Variants in PDE1C observed in about 807,000 individuals in gnomAD.
PDE1C encodes the protein phosphodiesterase 1C, also known as dual specificity calcium/calmodulin-dependent 3',5'-cyclic nucleotide phosphodiesterase 1C.
A neutral mutation model predicts 93.1 loss-of-function variants in PDE1C; 62 were observed. That is an observed-to-expected ratio of 0.67 (90% CI 0.54 to 0.82). PDE1C has a LOEUF of 0.82. PDE1C is among the 40% of genes least tolerant of loss of function. The pLI, the probability that PDE1C is intolerant of heterozygous loss-of-function variation, is 0.00. For missense variants in PDE1C, 742 were observed against 884.6 expected (o/e 0.84, Z 2.04); for synonymous variants, 325 against 310.1 (o/e 1.05, Z -0.50).
intron 1 of PDE1C, among the ~76,000 whole-genome samples, chr7:32,363,420 T>G (rs1393693510): frequency 2.0e-5 from 3 of 152,232 alleles, no homozygotes; most frequent in African/African-American, 7.2e-5. Flanking sequence ...TCTATTGCCT[T>G]CTACAAAGCC....
intron 2 of PDE1C, among the ~76,000 whole-genome samples, chr7:31,881,262 A>G (rs1167906574): frequency 6.6e-6 from 1 of 152,208 alleles, no homozygotes; most frequent in African/African-American, 2.4e-5. Context: ...GTGGCCCCAG[A>G]TAATGGCAGC....
At chr7:31,675,158 G>A in the PDE1C span, among the ~76,000 whole-genome samples, 1 of 152,190 alleles carries the variant, frequency 6.6e-6, no homozygotes, top group African/African-American at 2.4e-5. Context: ...GGGCTTCAGA[G>A]CTGTCAAGAT....
At chr7:32,100,862 G>GA (rs547397743) in intron 3 of PDE1C, among the ~76,000 whole-genome samples, 4 of 150,766 alleles carry the variant, frequency 2.7e-5, no homozygotes, top group South Asian at 2.1e-4. Context: ...TGTGCCAGAG[G>GA]AAAAAAAAAG....
At position 31,790,134 on chromosome 7, in the gene PDE1C, A is replaced by G. The variant is rs550281612; in HGVS notation, c.1892-14402T>C. On this transcript the variant is annotated intron_variant, in intron 16 of 17. Transcript: ENST00000396191. Reference sequence around the variant, plus strand: ...GGGGGCTTGTGTTTGAAAGTTGTACACCTTCTCCAGATATGGGTCTTTGTG... The same window carrying G: ...GGGGGCTTGTGTTTGAAAGTTGTACGCCTTCTCCAGATATGGGTCTTTGTG... 12 of 1,582,786 alleles carry G rather than the reference A, an allele frequency of 7.6e-6. No homozygotes were observed. In the East Asian group the frequency reaches 2.7e-4, roughly 36 times the overall value.
chr7:31,804,164 T>A (rs759508109), intron 16 of PDE1C, among the ~76,000 whole-genome samples: 6 of 151,896 alleles, frequency 4.0e-5, no homozygotes, highest in Non-Finnish European at 7.4e-5. Flanking sequence ...TGGGATGCAG[T>A]TAAATTACTT....
chr7:32,110,922 A>T (rs1317147445), intron 3 of PDE1C, among the ~76,000 whole-genome samples: 1 of 152,132 alleles, frequency 6.6e-6, no homozygotes, highest in Non-Finnish European at 1.5e-5. Flanking sequence ...CATTGAACAT[A>T]CTTTCACAAA....
chr7:32,384,087 T>C (rs1162933876), intron 1 of PDE1C, among the ~76,000 whole-genome samples: 1 of 152,216 alleles, frequency 6.6e-6, no homozygotes, highest in Non-Finnish European at 1.5e-5. Flanking sequence ...AGCCCTCTCA[T>C]TCACCAAATA....
intron 3 of PDE1C, among the ~76,000 whole-genome samples, chr7:32,085,712 T>A (rs1405058376): frequency 2.0e-5 from 3 of 150,944 alleles, no homozygotes; most frequent in Admixed American, 1.3e-4. Flanking sequence ...CACAAATCAA[T>A]AAATGTAATC....
At chr7:32,356,978 C>T (rs921417485) in intron 1 of PDE1C, among the ~76,000 whole-genome samples, 1 of 152,158 alleles carries the variant, frequency 6.6e-6, no homozygotes, top group African/African-American at 2.4e-5. Context: ...AAGATCTACA[C>T]ACACCACATC....
chr7:31,856,752 A>AGT (rs1298887344), intron 7 of PDE1C, among the ~76,000 whole-genome samples: 5 of 151,326 alleles, frequency 3.3e-5, no homozygotes, highest in Non-Finnish European at 5.9e-5. Context: ...TGGCCTCTGA[A>AGT]GTCAGAGCTG....
At chr7:31,955,494 CT>C (rs2129020560) in intron 2 of PDE1C, among the ~76,000 whole-genome samples, 1 of 152,242 alleles carries the variant, frequency 6.6e-6, no homozygotes, top group South Asian at 2.1e-4. Flanking sequence ...AAAGTTTAGT[CT>C]TCAGGAGGCA....
intron 3 of PDE1C, among the ~76,000 whole-genome samples, chr7:32,138,378 TTAA>T (rs1051260751): frequency 6.6e-6 from 1 of 152,218 alleles, no homozygotes; most frequent in African/African-American, 2.4e-5. Flanking sequence ...GATCCTATTA[TTAA>T]TAATGTCAGT....
chr7:32,159,978 A>G (rs907377648), intron 3 of PDE1C, among the ~76,000 whole-genome samples: 3 of 152,174 alleles, frequency 2.0e-5, no homozygotes, highest in African/African-American at 7.2e-5. Flanking sequence ...GGAGGTTGCC[A>G]TGGGGACAAA....
intron 9 of PDE1C, among the ~76,000 whole-genome samples, chr7:31,841,143 T>C (rs998869460): frequency 1.4e-4 from 21 of 152,016 alleles, no homozygotes; most frequent in African/African-American, 5.1e-4. Flanking sequence ...TTATATGTTA[T>C]GTGCTATTGT....
At chr7:31,743,579 A>T in the PDE1C span, among the ~76,000 whole-genome samples, 1 of 151,534 alleles carries the variant, frequency 6.6e-6, no homozygotes, top group African/African-American at 2.4e-5. Flanking sequence ...GTGTGCGCAC[A>T]CACACACACA....
chr7:32,302,682 A>G (rs13235554), upstream of PDE1C, among the ~76,000 whole-genome samples: 15,946 of 152,230 alleles, frequency 0.1, 947 homozygotes, highest in East Asian at 0.13. Context: ...TTGGTTTTTC[A>G]CTTTTAAAGT....
At chr7:31,636,725 TA>T in the PDE1C span, among the ~76,000 whole-genome samples, 3,617 of 111,312 alleles carry the variant, frequency 0.032, 135 homozygotes, top group African/African-American at 0.099. Context: ...CTTTTTTTTT[TA>T]AAAATTTTAT....
In PDE1C at chr7:31,764,331, A is replaced by C. The variant is rs138569174; in HGVS notation, c.1961-10778T>G. Among the ~76,000 whole-genome samples, 142 of 152,204 alleles carry C rather than the reference A, an allele frequency of 9.3e-4. 1 individual carries two copies. Among genetic ancestry groups the C allele is most frequent in the African/African-American group, 3.3e-3 (136 of 41,522 alleles). On this transcript the variant is annotated intron_variant, in intron 17 of 17. Transcript: ENST00000396191. ...AGATAATTTTTTGTATTTTTAGTAG[A>C]GATGGGGTTTCACCAGGTTGGCCAG...
At chr7:31,843,521 T>C (rs538511783) in intron 9 of PDE1C, among the ~76,000 whole-genome samples, 18 of 152,020 alleles carry the variant, frequency 1.2e-4, no homozygotes, top group African/African-American at 4.1e-4. Flanking sequence ...TTCTACTTAT[T>C]CTTACTGTTT....
Sources: gnomAD v4.1 joint callset for allele counts (sites outside exome capture counted in the v4.1 genomes callset) on GRCh38, gnomAD v4.1.1 for gene constraint, MANE v1.5 for transcripts, NCBI Gene and HGNC (gene_info 2026-07-23, HGNC 2026-07-21) for gene names.